The following LRP2 variants were observed in gnomAD, a reference collection of about 807,000 sequenced individuals.
LRP2 encodes low-density lipoprotein receptor-related protein 2.
Under a neutral mutation model 531.0 loss-of-function variants are expected in LRP2, and 172 were observed. That is an observed-to-expected ratio of 0.32 (90% CI 0.29 to 0.37). The LOEUF (loss-of-function observed/expected upper bound fraction) is 0.37. LRP2 is among the 10% of genes least tolerant of loss of function. LRP2 has a pLI of 1.00. For missense variants in LRP2, 5,167 were observed against 5,868.3 expected (o/e 0.88, Z 3.90); for synonymous variants, 1,992 against 2,027.6 (o/e 0.98, Z 0.47).
At chr2:169,184,771 T>TG (rs1687569964) in intron 50 of LRP2, among the ~76,000 whole-genome samples, 1 of 72,280 alleles carries the variant, frequency 1.4e-5, no homozygotes. Flanking sequence ...TTGTTTGTTT[T>TG]GTTTTTTTTG....
Position 169,188,077 on chromosome 2 carries a change from G to C in LRP2, c.9221C>G (p.Thr3074Arg). The C allele has an allele frequency of 1.2e-6, 2 of 1,614,088 alleles. No homozygotes were observed. The highest frequency in any genetic ancestry group is 2.2e-5 in the South Asian group (2 of 91,070). ...LMHLCHTPEPTCPPHEFKCDN... is the reference protein window; with the variant it reads ...LMHLCHTPEPRCPPHEFKCDN... ...ACACTTGAACTCGTGAGGTGGACAC[G>C]TGGGTTCTGGGGTGTGGCACAGGTG... Residue 3074 changes from threonine (T) to arginine (R), a missense_variant, in exon 49 of 79, where the codon ACG becomes AGG. Transcript: ENST00000649046.
intron 77 of LRP2, among the ~76,000 whole-genome samples, chr2:169,131,393 G>T (rs1007623632): frequency 7.9e-5 from 12 of 151,964 alleles, no homozygotes; most frequent in African/African-American, 2.9e-4. Flanking sequence ...ATTTAAATCA[G>T]CAGAACAGAA....
chr2:169,343,997 T>C (rs912426000), intron 1 of LRP2, among the ~76,000 whole-genome samples: 6 of 152,226 alleles, frequency 3.9e-5, no homozygotes, highest in African/African-American at 1.4e-4. Flanking sequence ...CAAATATCCC[T>C]TCTTGAAGAA....
chr2:169,339,107 G>GTT (rs56841400), intron 1 of LRP2, among the ~76,000 whole-genome samples: 9,870 of 147,600 alleles, frequency 0.067, 365 homozygotes, highest in Middle Eastern at 0.1. Flanking sequence ...ATTCTACAGG[G>GTT]TTTTTTTTTT....
At chr2:169,133,797 T>C (rs1008478203) in intron 76 of LRP2, among the ~76,000 whole-genome samples, 2 of 152,158 alleles carry the variant, frequency 1.3e-5, no homozygotes, top group Non-Finnish European at 2.9e-5. Context: ...ATCTCAAACA[T>C]GCTTTCTTTA....
Position 169,241,018 on chromosome 2 carries a change from G to A in LRP2, c.4015C>T (p.Pro1339Ser). 1 of 1,613,832 alleles carries A rather than the reference G, an allele frequency of 6.2e-7. No homozygotes were observed. Among genetic ancestry groups the A allele is most frequent in the Non-Finnish European group, 8.5e-7 (1 of 1,180,026 alleles). ...AGTGGGGACTCATCTGTCCCATTGG[G>A]GCAGTCAAAGATGCCATCACACACT... The part of the protein sequence containing the change: ...SVVCDGIFDC[P>S]NGTDESPLCN... Residue 1339 changes from proline to serine, a missense_variant, in exon 25 of 79, where the codon CCC becomes TCC. Physicochemically the swap from Pro to Ser is moderately conservative, Grantham distance 74. Coordinates refer to ENST00000649046, the MANE Select transcript of LRP2 (RefSeq NM_004525.3).
At chr2:169,275,722 C>A (rs13013931) in intron 13 of LRP2, among the ~76,000 whole-genome samples, 7,679 of 152,118 alleles carry the variant, frequency 0.05, 186 homozygotes, top group Non-Finnish European at 0.053. Context: ...CAAGCCCCAG[C>A]AAACGCCCAC....
rs1469533871 is a variant in LRP2, at chr2:169,277,181, G to A, written c.1772+564C>T. Among the ~76,000 whole-genome samples the A allele has an allele frequency of 5.1e-5, 6 of 118,100 alleles. No homozygotes were observed. The East Asian group carries it at 1.1e-3, about 21-fold the overall frequency. The allele number at this position is 118,100 out of a possible 152,430, so 77.5% of individuals were successfully genotyped here. ...TGCACTTCAGCCTGGGTGACAGAGT[G>A]AGACTCCATCTCAAAAAAAAAAAAA... On this transcript the variant is annotated intron_variant, in intron 13 of 78. Transcript: ENST00000649046.
Position 169,349,138 on chromosome 2 carries a change from T to C in LRP2, c.79+13183A>G, listed in dbSNP as rs140553005. Among the ~76,000 whole-genome samples, 7 of 152,208 alleles carry C rather than the reference T, an allele frequency of 4.6e-5. No homozygotes were observed. In the East Asian group the frequency reaches 1.2e-3, roughly 25 times the overall value. On this transcript the variant is annotated intron_variant, in intron 1 of 78. Transcript: ENST00000649046. The stretch of plus-strand genomic sequence containing the variant: ...CATTTACATCTTAGGGAAGGGAAGA[T>C]AATAAGTAAGGAAATAAACAAACAA...
rs3083261 is a variant in LRP2 at position 169,127,262 on chromosome 2, TCATCCATC to T, written c.*1393_*1400del. ...AATCAGTAGTATATGTTTCATTCATTCATCCATCCATCCATCCATCCATTCATTCATTG... is the reference window on the plus strand; with the variant it reads ...AATCAGTAGTATATGTTTCATTCATTCATCCATCCATCCATTCATTCATTG... On this transcript the variant is annotated 3_prime_UTR_variant, in exon 79 of 79. Transcript: ENST00000649046. 5 of 152,588 alleles carry T rather than the reference TCATCCATC, an allele frequency of 3.3e-5. 1 individual carries two copies. 9.5% of individuals were successfully genotyped at this position (152,588 alleles called of 1,614,324 possible).
At chr2:169,272,132 C>T (rs530598869) in intron 15 of LRP2, among the ~76,000 whole-genome samples, 1 of 152,038 alleles carries the variant, frequency 6.6e-6, no homozygotes, top group Non-Finnish European at 1.5e-5. Flanking sequence ...TTATATACGA[C>T]GCTAGAAACC....
intron 46 of LRP2, among the ~76,000 whole-genome samples, chr2:169,195,244 G>A (rs1216629810): frequency 6.6e-6 from 1 of 152,148 alleles, no homozygotes; most frequent in Admixed American, 6.5e-5. Context: ...AGGCTGGTCT[G>A]TATTTGCTGA....
chr2:169,254,303 C>G, intron 19 of LRP2, among the ~76,000 whole-genome samples: 1 of 82,922 alleles, frequency 1.2e-5, no homozygotes, highest in East Asian at 3.2e-4. Context: ...CCATGGAATA[C>G]TATGCAGCCA....
rs900368009 is a variant in LRP2 at position 169,232,640 on chromosome 2, T to C, written c.5098+771A>G. Among the ~76,000 whole-genome samples, 35 of 152,246 alleles carry C rather than the reference T, an allele frequency of 2.3e-4. 1 individual carries two copies. The highest frequency in any genetic ancestry group is 8.4e-4 in the African/African-American group (35 of 41,548). On this transcript the variant is annotated intron_variant, in intron 30 of 78. Transcript: ENST00000649046. ...GTAGAGCGGTCAATGAGGGCCTCTC[T>C]GAGAAAGTGACATTTGGGTAGAATC...
In LRP2 at chr2:169,206,599, G is replaced by T. The variant is rs188204688; in HGVS notation, c.7121C>A (p.Thr2374Asn). 4.3e-6 allele frequency: 7 copies of T among 1,614,112 alleles called. No homozygotes were observed. The highest frequency in any genetic ancestry group is 3.3e-5 in the Admixed American group (2 of 60,004). Reference protein sequence around the residue: ...HTPKCDCAFGTLQSDGKNCAI... With the variant: ...HTPKCDCAFGNLQSDGKNCAI... ...ACAATTCTTGCCATCACTTTGCAGG[G>T]TCCCAAAGGCACAGTCACATTTTGG... is the stretch of plus-strand genomic sequence containing the variant. Residue 2374 changes from threonine to asparagine, a missense_variant, in exon 39 of 79, where the codon ACC becomes AAC. Around this residue, in one of 6 missense-constraint regions of LRP2, gnomAD observed 2,811 missense variants for 3,058.0 expected, o/e 0.92. Coordinates refer to ENST00000649046, the MANE Select transcript of LRP2 (RefSeq NM_004525.3).
chr2:169,359,795 A>G (rs1686094919), intron 1 of LRP2, among the ~76,000 whole-genome samples: 1 of 152,084 alleles, frequency 6.6e-6, no homozygotes, highest in East Asian at 1.9e-4. Context: ...ATGGACAGTA[A>G]GTTAGGGAGC....
intron 48 of LRP2, among the ~76,000 whole-genome samples, chr2:169,190,545 C>T (rs1303015382): frequency 2.0e-5 from 3 of 152,194 alleles, no homozygotes; most frequent in Non-Finnish European, 4.4e-5. Flanking sequence ...AGCTGCCTGC[C>T]CCTCCAGTCA....
chr2:169,171,094 C>T (rs1327056805), intron 58 of LRP2, among the ~76,000 whole-genome samples: 1 of 151,890 alleles, frequency 6.6e-6, no homozygotes, highest in African/African-American at 2.4e-5. Context: ...TTTCGTGAAA[C>T]TCTAGATAAC....
At chr2:169,236,570 T>C (rs1006441400) in intron 28 of LRP2, among the ~76,000 whole-genome samples, 1 of 152,226 alleles carries the variant, frequency 6.6e-6, no homozygotes, top group East Asian at 1.9e-4. Flanking sequence ...ATCTAAGTTA[T>C]AAAATATAAG....
Sources: gnomAD v4.1 joint callset for allele counts (sites outside exome capture counted in the v4.1 genomes callset) on GRCh38, gnomAD v4.1.1 for gene constraint, gnomAD v4.1.1 regional missense constraint, MANE v1.5 for transcripts, NCBI Gene and HGNC (gene_info 2026-07-23, HGNC 2026-07-21) for gene names.